Variants in IPO9 observed in about 807,000 individuals in gnomAD.
The protein encoded by IPO9 is importin 9, also known as importin-9.
In IPO9, 28 loss-of-function variants were observed where a neutral mutation model predicts 128.6. The ratio of observed to expected loss-of-function variants is 0.22; its 90% CI spans 0.16 to 0.30. The LOEUF is 0.30. Among genes scored for constraint, IPO9 ranks in the 10% least tolerant of loss-of-function variants. The pLI, the probability that IPO9 is intolerant of heterozygous loss-of-function variation, is 1.00. For missense variants in IPO9, 935 were observed against 1,293.9 expected (o/e 0.72, Z 4.26); for synonymous variants, 455 against 475.8 (o/e 0.96, Z 0.57).
intron 1 of IPO9, among the ~76,000 whole-genome samples, chr1:201,842,062 G>A (rs1042505086): frequency 1.3e-5 from 2 of 152,012 alleles, no homozygotes; most frequent in Admixed American, 1.3e-4. Flanking sequence ...GATAGCATCA[G>A]ATCCTACAGA....
chr1:201,865,818 A>G (rs2102885903), intron 14 of IPO9, among the ~76,000 whole-genome samples: 1 of 152,280 alleles, frequency 6.6e-6, no homozygotes, highest in African/African-American at 2.4e-5. Context: ...AGGACCAGAC[A>G]CGGTGGCTCA....
At chr1:201,867,251 T>C (rs1356070874) in intron 15 of IPO9, among the ~76,000 whole-genome samples, 2 of 152,054 alleles carry the variant, frequency 1.3e-5, no homozygotes, top group Non-Finnish European at 2.9e-5. Context: ...ACTTTGATGA[T>C]AGAATAGGAA....
chr1:201,845,869 G>C (rs139643183), intron 1 of IPO9, among the ~76,000 whole-genome samples: 47 of 152,300 alleles, frequency 3.1e-4, no homozygotes, highest in Non-Finnish European at 5.6e-4. Flanking sequence ...ATGATGCACT[G>C]TTGGTTTTAC....
rs1260065116 is a variant in IPO9, at chr1:201,878,160, C to A, written c.*2106C>A. 6.6e-6 allele frequency: 1 copy of A among 152,244 alleles called. No homozygotes were observed. Among genetic ancestry groups the A allele is most frequent in the African/African-American group, 2.4e-5 (1 of 41,432 alleles). 9.4% of individuals were successfully genotyped at this position (152,244 alleles called of 1,614,324 possible). A position where few individuals can be genotyped will look rare whatever the true frequency, so the allele number is the denominator to read the frequency against. ...AGGTTCTGAGGCTAACTGCTTGTGC[C>A]CCTGCTGCTTCACATGGCATTGTGG... is the stretch of plus-strand genomic sequence containing the variant. On this transcript the variant is annotated 3_prime_UTR_variant, in exon 24 of 24. Coordinates refer to ENST00000361565, the MANE Select transcript of IPO9 (RefSeq NM_018085.5).
Position 201,854,644 on chromosome 1 carries a change from C to A in IPO9, c.740C>A (p.Ala247Asp). Reference sequence around the variant, plus strand: ...CCCGTGGTACAGCAGTTCACAGAGGCCTTTGTTCAGGCCCTCCAGATACCA... The same window carrying A: ...CCCGTGGTACAGCAGTTCACAGAGGACTTTGTTCAGGCCCTCCAGATACCA... ...IFPVVQQFTE[A>D]FVQALQIPDG... The change falls in exon 7 of 24, where the codon GCC becomes GAC. Residue 247 changes from alanine to aspartate, a missense_variant. Physicochemically the swap from Ala to Asp is moderately radical, Grantham distance 126. This residue lies in a region of IPO9 where 741 missense variants were observed against 1,019.1 expected (regional missense o/e 0.73). Coordinates refer to ENST00000361565, the MANE Select transcript of IPO9 (RefSeq NM_018085.5). The A allele has an allele frequency of 1.2e-6, 2 of 1,614,146 alleles. No individual in the cohort carries two copies. Among genetic ancestry groups the A allele is most frequent in the Non-Finnish European group, 1.7e-6 (2 of 1,180,018 alleles).
intron 1 of IPO9, among the ~76,000 whole-genome samples, chr1:201,831,791 C>T (rs2102865451): frequency 6.6e-6 from 1 of 152,312 alleles, no homozygotes. Context: ...GACATGGTTC[C>T]TCCTATTAGA....
chr1:201,836,957 A>G (rs1356121704), intron 1 of IPO9, among the ~76,000 whole-genome samples: 1 of 152,202 alleles, frequency 6.6e-6, no homozygotes, highest in Non-Finnish European at 1.5e-5. Flanking sequence ...TTGCCATTAT[A>G]TATCTGCTTT....
chr1:201,865,252 A>C (rs750654715), intron 14 of IPO9, among the ~76,000 whole-genome samples: 1 of 136,682 alleles, frequency 7.3e-6, no homozygotes, highest in Non-Finnish European at 1.5e-5. Context: ...TCTGTCGCCC[A>C]GGCTGGAGTG....
intron 14 of IPO9, 68 bp from the exon 15 acceptor site, chr1:201,866,665 T>G: frequency 1.7e-6 from 2 of 1,191,700 alleles, no homozygotes; most frequent in Non-Finnish European, 2.5e-6. Context: ...CTATAATATG[T>G]GAGATTGATT....
At chr1:201,864,750 G>C (rs1299663318) in intron 14 of IPO9, among the ~76,000 whole-genome samples, 1 of 152,194 alleles carries the variant, frequency 6.6e-6, no homozygotes, top group Non-Finnish European at 1.5e-5. Context: ...CTCTCTGGGG[G>C]AGATTAGAGT....
intron 20 of IPO9, 106 bp from the exon 21 acceptor site, chr1:201,874,144 C>A: frequency 2.6e-6 from 3 of 1,169,668 alleles, no homozygotes; most frequent in South Asian, 1.4e-5. Context: ...CAGTGAAAGT[C>A]TGAGGGGTGG....
intron 13 of IPO9, 45 bp from the exon 14 acceptor site, chr1:201,863,403 G>A: frequency 6.7e-7 from 1 of 1,503,164 alleles, no homozygotes; most frequent in Non-Finnish European, 9.0e-7. Context: ...ACAAGTAAAA[G>A]GAATTTTCAT....
At chr1:201,857,228 T>C (rs1436459746) in intron 11 of IPO9, 34 bp downstream of exon 11, 7 of 1,333,510 alleles carry the variant, frequency 5.2e-6, no homozygotes, top group Non-Finnish European at 6.5e-6. Context: ...CCACATAATT[T>C]CTATCAGTCA....
chr1:201,854,951 C>T, intron 8 of IPO9, 28 bp downstream of exon 8: 2 of 1,530,890 alleles, frequency 1.3e-6, no homozygotes, highest in Non-Finnish European at 1.8e-6. Flanking sequence ...TTTAAGGGAG[C>T]TACTACCACC....
At chr1:201,853,895 T>C (rs1680270791) in intron 6 of IPO9, among the ~76,000 whole-genome samples, 2 of 152,220 alleles carry the variant, frequency 1.3e-5, no homozygotes, top group African/African-American at 2.4e-5. Context: ...CGCGCCATCA[T>C]GCCCAGCTAA....
At chr1:201,874,511 C>CT in intron 21 of IPO9, 139 bp downstream of exon 21, 2 of 925,866 alleles carry the variant, frequency 2.2e-6, no homozygotes, top group Non-Finnish European at 3.2e-6. Context: ...TGGCACCATG[C>CT]TAGGCACTAG....
intron 1 of IPO9, among the ~76,000 whole-genome samples, chr1:201,844,795 T>C (rs776178760): frequency 2.0e-5 from 3 of 152,350 alleles, no homozygotes; most frequent in Admixed American, 6.5e-5. Context: ...TTCTATTGTA[T>C]AAATGCCCTT....
intron 6 of IPO9, among the ~76,000 whole-genome samples, chr1:201,854,059 C>CG (rs1680274719): frequency 6.6e-6 from 1 of 152,010 alleles, no homozygotes; most frequent in Non-Finnish European, 1.5e-5. Flanking sequence ...TTTGTAGAGA[C>CG]GGGGTCTCTC....
At chr1:201,830,573 A>G (rs550214641) in intron 1 of IPO9, among the ~76,000 whole-genome samples, 1 of 152,374 alleles carries the variant, frequency 6.6e-6, no homozygotes, top group East Asian at 1.9e-4. Context: ...TCTATACAGG[A>G]GAAACCACTG....
Sources: gnomAD v4.1 joint callset for allele counts (sites outside exome capture counted in the v4.1 genomes callset) on GRCh38, gnomAD v4.1.1 for gene constraint, gnomAD v4.1.1 regional missense constraint, MANE v1.5 for transcripts, NCBI Gene and HGNC (gene_info 2026-07-23, HGNC 2026-07-21) for gene names.